FLRT1: variants seen among roughly 807,000 people sequenced by gnomAD.
FLRT1 encodes the protein fibronectin leucine rich transmembrane protein 1, also known as leucine-rich repeat transmembrane protein FLRT1.
Under a neutral mutation model 30.9 loss-of-function variants are expected in FLRT1, and 14 were observed. The ratio of observed to expected loss-of-function variants is 0.45; its 90% confidence interval spans 0.30 to 0.71. The LOEUF (loss-of-function observed/expected upper bound fraction) is 0.71. Ranked by LOEUF, FLRT1 falls within the 30% of genes least tolerant of loss-of-function variation. FLRT1 has a pLI of 0.08. For missense variants in FLRT1, 737 were observed against 949.2 expected (o/e 0.78, Z 2.94); for synonymous variants, 368 against 430.4 (o/e 0.85, Z 1.80).
chr11:64,098,862 C>G (rs1158090978), intron 1 of FLRT1, among the ~76,000 whole-genome samples: 1 of 152,208 alleles, frequency 6.6e-6, no homozygotes, highest in East Asian at 1.9e-4. Flanking sequence ...GGGTTTCTAG[C>G]AGCACATACC....
intron 2 of FLRT1, among the ~76,000 whole-genome samples, chr11:64,105,905 C>T (rs899617233): frequency 2.1e-5 from 3 of 142,954 alleles, no homozygotes; most frequent in Admixed American, 7.4e-5. Context: ...AGCAGACAAT[C>T]GCTGAGGTCC....
chr11:64,056,882 G>A (rs1290008954), intron 1 of FLRT1, among the ~76,000 whole-genome samples: 1 of 152,146 alleles, frequency 6.6e-6, no homozygotes, highest in Non-Finnish European at 1.5e-5. Context: ...TAGACCCAAG[G>A]TACCAGGGTC....
intron 1 of FLRT1, among the ~76,000 whole-genome samples, chr11:64,052,740 G>A (rs1191106578): frequency 6.6e-6 from 1 of 152,224 alleles, no homozygotes; most frequent in Non-Finnish European, 1.5e-5. Context: ...CCAGCTTCTA[G>A]GGGTGGAGTT....
chr11:64,060,222 G>A (rs1590853013), intron 1 of FLRT1, among the ~76,000 whole-genome samples: 1 of 152,264 alleles, frequency 6.6e-6, no homozygotes, highest in Non-Finnish European at 1.5e-5. Context: ...CACATTTCAA[G>A]CGGCCTGACA....
At position 64,050,384 on chromosome 11, in the gene FLRT1, G is replaced by A. The variant is rs138844880; in HGVS notation, c.-1038+14225G>A. ...AGGCCACCTAGGGGCAGCTGGACAC[G>A]TAGGGGTCCTGGGGCCAGGCCCTTG... On this transcript the variant is annotated intron_variant, in intron 1 of 2. Coordinates refer to ENST00000682287, the MANE Select transcript of FLRT1 (RefSeq NM_013280.5). 2.3e-3 allele frequency among the ~76,000 whole-genome samples: 343 copies of A among 152,340 alleles called. 1 individual carries two copies. The South Asian group carries it at 0.026, about 11-fold the overall frequency.
intron 2 of FLRT1, among the ~76,000 whole-genome samples, chr11:64,106,779 G>C (rs1431372698): frequency 6.6e-6 from 1 of 152,232 alleles, no homozygotes; most frequent in African/African-American, 2.4e-5. Context: ...ACTGTCCCCA[G>C]CCCTGCTGGT....
intron 1 of FLRT1, among the ~76,000 whole-genome samples, chr11:64,050,838 C>T (rs746580889): frequency 6.6e-6 from 1 of 152,232 alleles, no homozygotes; most frequent in Non-Finnish European, 1.5e-5. Context: ...AGGCTGGTCT[C>T]GAACTCCTGA....
At position 64,089,884 on chromosome 11, in the gene FLRT1, T is replaced by C. The variant is rs531638851; in HGVS notation, c.-1037-13310T>C. Among the ~76,000 whole-genome samples, 5 of 152,322 alleles carry C rather than the reference T, an allele frequency of 3.3e-5. No individual in the cohort carries two copies. The East Asian group carries it at 9.6e-4, about 29-fold the overall frequency. ...ATGGTGCTGGAGTCGAGACCAGCTC[T>C]GCCCTGTGTGACCCTGGGCAGGGCA... On this transcript the variant is annotated intron_variant, in intron 1 of 2. Coordinates refer to ENST00000682287, the MANE Select transcript of FLRT1 (RefSeq NM_013280.5).
intron 1 of FLRT1, among the ~76,000 whole-genome samples, chr11:64,038,234 G>A (rs976158000): frequency 3.9e-5 from 6 of 152,226 alleles, no homozygotes; most frequent in African/African-American, 1.4e-4. Flanking sequence ...TAGCTCTGTA[G>A]AGATTCATGC....
intron 2 of FLRT1, among the ~76,000 whole-genome samples, chr11:64,114,696 T>C (rs904167948): frequency 6.6e-6 from 1 of 150,764 alleles, no homozygotes; most frequent in African/African-American, 2.4e-5. Context: ...GGTAGATGCA[T>C]GGACTGATAC....
chr11:64,117,213 G>A lies in FLRT1; in HGVS notation c.946G>A (p.Asp316Asn), dbSNP rs769501659. The change falls in exon 3 of 3, where the codon GAC (aspartate) becomes AAC (asparagine). Residue 316 changes from aspartate (D) to asparagine (N), a missense_variant. Asp to Asn is a conservative substitution (Grantham distance 23, BLOSUM62 1). Coordinates refer to ENST00000682287, the MANE Select transcript of FLRT1 (RefSeq NM_013280.5). Reference protein sequence around the residue: ...LTTLPRGLFDDLGNLAQLLLR... With the variant: ...LTTLPRGLFDNLGNLAQLLLR... Reference sequence around the variant, plus strand: ...CACGCTGCCCCGCGGCCTGTTCGACGACCTGGGGAACCTGGCCCAGCTGCT... The same window carrying A: ...CACGCTGCCCCGCGGCCTGTTCGACAACCTGGGGAACCTGGCCCAGCTGCT... The A allele has an allele frequency of 1.5e-5, 24 of 1,614,012 alleles. No individual in the cohort carries two copies. In the East Asian group the frequency reaches 2.0e-4, roughly 13 times the overall value.
chr11:64,107,055 T>G (rs2508214), intron 2 of FLRT1, among the ~76,000 whole-genome samples: 3 of 152,170 alleles, frequency 2.0e-5, no homozygotes, highest in African/African-American at 7.2e-5. Flanking sequence ...AGCTAATTTT[T>G]GTATTTTTAG....
chr11:64,046,645 G>A (rs1054570874), intron 1 of FLRT1, among the ~76,000 whole-genome samples: 4 of 152,184 alleles, frequency 2.6e-5, no homozygotes, highest in Non-Finnish European at 4.4e-5. Context: ...GGCTACAGGC[G>A]TGTGCCTCTA....
At chr11:64,046,330 G>A (rs1449381269) in intron 1 of FLRT1, among the ~76,000 whole-genome samples, 1 of 152,218 alleles carries the variant, frequency 6.6e-6, no homozygotes, top group Non-Finnish European at 1.5e-5. Flanking sequence ...GTGGGGCACA[G>A]ATGAGGAAAC....
chr11:64,118,066 A>G lies in FLRT1; in HGVS notation c.1799A>G (p.Tyr600Cys), dbSNP rs368223580. The G allele has an allele frequency of 3.0e-4, 484 of 1,613,068 alleles. 7 individuals are homozygous for G. The South Asian group carries it at 4.2e-3, about 14-fold the overall frequency. Residue 600 changes from tyrosine to cysteine, a missense_variant, in exon 3 of 3, where the codon TAT (tyrosine) becomes TGT (cysteine). Physicochemically the swap from Tyr to Cys is radical, Grantham distance 194 (BLOSUM62 -2). Transcript: ENST00000682287. ...YNRGSRKKDD[Y>C]MESGTKKDNS... ...CGGGGCAGCAGGAAAAAGGATGACT[A>G]TATGGAGTCAGGGACCAAGAAGGAT...
At chr11:64,101,047 C>T (rs1490574290) in intron 1 of FLRT1, among the ~76,000 whole-genome samples, 1 of 152,112 alleles carries the variant, frequency 6.6e-6, no homozygotes, top group African/African-American at 2.4e-5. Flanking sequence ...CTCAGGTCCT[C>T]CCTTGAAGCC....
chr11:64,055,607 C>T (rs1943771025), intron 1 of FLRT1, among the ~76,000 whole-genome samples: 2 of 152,236 alleles, frequency 1.3e-5, no homozygotes, highest in South Asian at 4.1e-4. Flanking sequence ...GCCAGCCCAG[C>T]AGAGGCAGGG....
intron 1 of FLRT1, among the ~76,000 whole-genome samples, chr11:64,097,357 C>T (rs1944595464): frequency 6.6e-6 from 1 of 152,244 alleles, no homozygotes; most frequent in Non-Finnish European, 1.5e-5. Flanking sequence ...GAGCTGCCCA[C>T]ATGTGAAGGG....
intron 1 of FLRT1, among the ~76,000 whole-genome samples, chr11:64,071,895 C>A (rs1196414011): frequency 6.6e-6 from 1 of 152,188 alleles, no homozygotes; most frequent in African/African-American, 2.4e-5. Context: ...GAGGGCGCCT[C>A]AAGAAGCAAC....
Sources: allele counts gnomAD v4.1 joint callset (sites outside exome capture counted in the v4.1 genomes callset), GRCh38; gene constraint gnomAD v4.1.1; transcripts MANE v1.5; gene names NCBI Gene and HGNC (gene_info 2026-07-23, HGNC 2026-07-21).